Variants in DPY19L1 observed in about 807,000 individuals in gnomAD.
DPY19L1 encodes the protein dpy-19 like C-mannosyltransferase 1, also known as protein C-mannosyl-transferase DPY19L1.
DPY19L1 carries 35 observed loss-of-function variants against 96.9 expected under a neutral mutation model. That is an observed-to-expected ratio of 0.36 (90% CI 0.28 to 0.48). The LOEUF (loss-of-function observed/expected upper bound fraction) is 0.48, where lower values mean the gene tolerates loss of function less well. Ranked by LOEUF, DPY19L1 falls within the 20% of genes least tolerant of loss-of-function variation. The pLI is 0.99. For synonymous variants in DPY19L1, 205 were observed against 252.6 expected, an observed-to-expected ratio of 0.81 and a Z score of 1.79; for missense variants, 521 against 777.9, an observed-to-expected ratio of 0.67 and a Z score of 3.93.
At chr7:34,945,545 C>A (rs924761077) in intron 16 of DPY19L1, 122 bp downstream of exon 16, 6 of 713,858 alleles carry the variant, frequency 8.4e-6, no homozygotes, top group Middle Eastern at 4.1e-4. Flanking sequence ...GAAATGACCA[C>A]AATAAAAACA....
chr7:34,989,706 C>A (rs962978950), intron 7 of DPY19L1, among the ~76,000 whole-genome samples, 178 bp downstream of exon 7: 4 of 151,260 alleles, frequency 2.6e-5, no homozygotes, highest in Non-Finnish European at 5.9e-5. Flanking sequence ...AATTACTAAG[C>A]CTTATATCAC....
rs375536479 is a variant in DPY19L1 at position 34,947,696 on chromosome 7, T to G, written c.1428A>C (p.Pro476=). ...AEFDFMEKET[P]LRYTKTLLLP... Reference sequence around the variant, plus strand: ...GCAATAATGTCTTTGTGTATCTCAGTGGAGTCTGAAATTCAAAGAGATGTT... The same window carrying G: ...GCAATAATGTCTTTGTGTATCTCAGGGGAGTCTGAAATTCAAAGAGATGTT... Residue 476 remains proline (P), a synonymous_variant, in exon 15 of 22, where the codon CCA becomes CCC. Coordinates refer to ENST00000638088, the MANE Select transcript of DPY19L1 (RefSeq NM_001366673.1). 3 of 1,607,942 alleles carry G rather than the reference T, an allele frequency of 1.9e-6. No individual in the cohort carries two copies. Among genetic ancestry groups the G allele is most frequent in the Middle Eastern group, 3.3e-4 (2 of 6,004 alleles).
intron 10 of DPY19L1, among the ~76,000 whole-genome samples, chr7:34,959,898 A>AATATAT (rs368552911): frequency 1.6e-5 from 1 of 62,432 alleles, no homozygotes; most frequent in Non-Finnish European, 2.8e-5. Context: ...TTTGTATATA[A>AATATAT]ATATATATAT....
intron 1 of DPY19L1, among the ~76,000 whole-genome samples, chr7:35,032,595 C>T (rs539118016): frequency 0.014 from 2,092 of 152,188 alleles, 13 homozygotes; most frequent in Middle Eastern, 0.02. Context: ...TAGTACATCT[C>T]CACTCAGACC....
chr7:35,033,873 T>C (rs1007732827), intron 1 of DPY19L1, among the ~76,000 whole-genome samples: 3 of 151,914 alleles, frequency 2.0e-5, no homozygotes, highest in African/African-American at 7.3e-5. Flanking sequence ...TCTGGAGACA[T>C]TTTCGTTGTC....
intron 6 of DPY19L1, among the ~76,000 whole-genome samples, chr7:34,996,728 C>A (rs1047411556): frequency 6.6e-6 from 1 of 152,106 alleles, no homozygotes; most frequent in African/African-American, 2.4e-5. Context: ...AAGGTCAAAT[C>A]CAAACACCAA....
Position 34,931,429 on chromosome 7 carries a change from G to A in DPY19L1, c.*144C>T. 8.9e-7 allele frequency: 1 copy of A among 1,118,684 alleles called. No individual in the cohort carries two copies. The highest frequency in any genetic ancestry group is 1.2e-6 in the Non-Finnish European group (1 of 838,014). 69.3% of individuals were successfully genotyped at this position (1,118,684 alleles called of 1,614,324 possible). ...TGTAAGTCATTTTTATAATTAGAATGACATTCAAATTGACCAAATAAAACG... is the reference window on the plus strand; with the variant it reads ...TGTAAGTCATTTTTATAATTAGAATAACATTCAAATTGACCAAATAAAACG... On this transcript the variant is annotated 3_prime_UTR_variant, in exon 22 of 22. Transcript: ENST00000638088.
intron 15 of DPY19L1, among the ~76,000 whole-genome samples, chr7:34,946,642 A>C (rs906031871): frequency 2.0e-5 from 3 of 152,190 alleles, no homozygotes; most frequent in African/African-American, 7.2e-5. Context: ...GCAGGAACTG[A>C]CTCTTAACTG....
At chr7:35,026,574 T>C (rs1584263400) in intron 1 of DPY19L1, among the ~76,000 whole-genome samples, 1 of 152,172 alleles carries the variant, frequency 6.6e-6, no homozygotes, top group African/African-American at 2.4e-5. Context: ...TGGGTGACTT[T>C]ATACAGTCCA....
intron 6 of DPY19L1, among the ~76,000 whole-genome samples, chr7:34,998,226 A>C (rs1785337741): frequency 6.6e-6 from 1 of 152,312 alleles, no homozygotes; most frequent in East Asian, 1.9e-4. Flanking sequence ...ACTTATGTCT[A>C]CAAAAGGACG....
intron 1 of DPY19L1, among the ~76,000 whole-genome samples, chr7:35,029,648 CA>C (rs1177364553): frequency 1.3e-5 from 2 of 151,992 alleles, no homozygotes; most frequent in African/African-American, 4.8e-5. Context: ...CCAACCAACA[CA>C]AAAAAATTCA....
At chr7:34,996,136 T>G (rs1454686433) in intron 6 of DPY19L1, among the ~76,000 whole-genome samples, 1 of 152,246 alleles carries the variant, frequency 6.6e-6, no homozygotes, top group African/African-American at 2.4e-5. Flanking sequence ...AATTCACCCA[T>G]GGTGCCTAGC....
intron 6 of DPY19L1, among the ~76,000 whole-genome samples, chr7:35,009,587 A>G (rs1785650228): frequency 6.6e-6 from 1 of 152,236 alleles, no homozygotes. Context: ...AGCTATTAAT[A>G]TCATTTGATA....
chr7:35,036,315 G>A (rs1786397996), intron 1 of DPY19L1, among the ~76,000 whole-genome samples: 1 of 152,112 alleles, frequency 6.6e-6, no homozygotes, highest in African/African-American at 2.4e-5. Flanking sequence ...GAAAAATTAG[G>A]CCTGTTATCC....
chr7:35,037,613 G>T (rs1331277816), upstream of DPY19L1: 2 of 241,690 alleles, frequency 8.3e-6, no homozygotes, highest in Non-Finnish European at 1.6e-5. Flanking sequence ...CGCCGGACTT[G>T]CTAGCCCGCC....
intron 8 of DPY19L1, among the ~76,000 whole-genome samples, chr7:34,972,852 C>T (rs1784752240): frequency 6.6e-6 from 1 of 152,152 alleles, no homozygotes; most frequent in Admixed American, 6.5e-5. Flanking sequence ...TCTAAAGACA[C>T]TACTACATAG....
intron 7 of DPY19L1, 77 bp downstream of exon 7, chr7:34,989,807 A>G: frequency 3.4e-6 from 4 of 1,183,396 alleles, no homozygotes; most frequent in Non-Finnish European, 4.7e-6. Context: ...CATTTAAAGA[A>G]TGCCATTATA....
intron 19 of DPY19L1, 109 bp downstream of exon 19, chr7:34,940,044 G>A: frequency 1.0e-6 from 1 of 964,276 alleles, no homozygotes; most frequent in Non-Finnish European, 1.4e-6. Context: ...TGCATAGAAA[G>A]AGTGAGATCA....
chr7:35,029,615 T>C (rs1047212909), intron 1 of DPY19L1, among the ~76,000 whole-genome samples: 3 of 152,346 alleles, frequency 2.0e-5, no homozygotes, highest in African/African-American at 7.2e-5. Context: ...ACTATTTTAC[T>C]GTGTTGTTAT....
Sources: gnomAD v4.1 joint callset for allele counts (sites outside exome capture counted in the v4.1 genomes callset) on GRCh38, gnomAD v4.1.1 for gene constraint, MANE v1.5 for transcripts, NCBI Gene and HGNC (gene_info 2026-07-23, HGNC 2026-07-21) for gene names.